ZNF131: variants seen among roughly 807,000 people sequenced by gnomAD.
The protein encoded by ZNF131 is zinc finger protein 131.
In ZNF131, 7 loss-of-function variants were observed where a neutral mutation model predicts 60.0. That is an observed-to-expected ratio of 0.12 (90% CI 0.07 to 0.22). The LOEUF is 0.22. Among genes scored for constraint, ZNF131 ranks in the 10% least tolerant of loss-of-function variants. The probability of loss-of-function intolerance (pLI) is 1.00; values close to 1 mark genes in which losing one functional copy is unlikely to be tolerated. For missense variants in ZNF131, 493 were observed against 740.9 expected (o/e 0.67, Z 3.88); for synonymous variants, 257 against 253.2 (o/e 1.01, Z -0.14).
In ZNF131 at chr5:43,175,561, A is replaced by C; in HGVS notation, c.*428A>C. 1.5e-6 allele frequency: 1 copy of C among 662,388 alleles called. No individual in the cohort carries two copies. Among genetic ancestry groups the C allele is most frequent in the Non-Finnish European group, 2.7e-6 (1 of 370,632 alleles). 41.0% of individuals were successfully genotyped at this position (662,388 alleles called of 1,614,324 possible). A position where few individuals can be genotyped will look rare whatever the true frequency, so the allele number is the denominator to read the frequency against. ...ATGTTAGAAAATTGAATAATATAGG[A>C]AACACAAGGCTGCATGATGAAAAGT... is the stretch of plus-strand genomic sequence containing the variant. On this transcript the variant is annotated 3_prime_UTR_variant, in exon 7 of 7. Coordinates refer to ENST00000682664, the MANE Select transcript of ZNF131 (RefSeq NM_001330707.2).
intron 4 of ZNF131, among the ~76,000 whole-genome samples, chr5:43,139,763 C>G (rs1746565194): frequency 6.6e-6 from 1 of 151,972 alleles, no homozygotes. Context: ...AAATGCATAC[C>G]ATAAGTCTAT....
At chr5:43,144,940 T>TGAG (rs1747387145) in intron 4 of ZNF131, among the ~76,000 whole-genome samples, 1 of 151,912 alleles carries the variant, frequency 6.6e-6, no homozygotes, top group South Asian at 2.1e-4. Context: ...TTTTCCTTAC[T>TGAG]GAGCCAAGCA....
At chr5:43,141,192 A>G (rs187387068) in intron 4 of ZNF131, among the ~76,000 whole-genome samples, 12 of 152,304 alleles carry the variant, frequency 7.9e-5, no homozygotes, top group Admixed American at 7.9e-4. Flanking sequence ...TAGCAGGTGT[A>G]CAGGAAACAT....
intron 4 of ZNF131, among the ~76,000 whole-genome samples, chr5:43,142,448 C>A (rs1746972825): frequency 6.8e-6 from 1 of 148,022 alleles, no homozygotes; most frequent in Non-Finnish European, 1.5e-5. Flanking sequence ...TGATTACAGG[C>A]TTCCGCCACC....
intron 4 of ZNF131, among the ~76,000 whole-genome samples, chr5:43,151,999 CTATT>C (rs35815843): frequency 0.99 from 149,405 of 151,030 alleles, 73,920 homozygotes; most frequent in East Asian, 1. Flanking sequence ...GACTTCTTTC[CTATT>C]TATTTATTTA....
intron 6 of ZNF131, 144 bp from the exon 7 acceptor site, chr5:43,174,303 T>G: frequency 1.4e-6 from 1 of 734,000 alleles, no homozygotes; most frequent in East Asian, 3.0e-5. Context: ...ATGAAATAGC[T>G]TGGACGAGAT....
chr5:43,139,380 C>A (rs551478024), intron 4 of ZNF131, 71 bp downstream of exon 4: 3 of 1,366,130 alleles, frequency 2.2e-6, no homozygotes, highest in African/African-American at 1.5e-5. Context: ...GAAGAACTTA[C>A]AGTATGTGTC....
At chr5:43,162,969 C>CTTTTCTTTTTTTTT (rs1749913782) in intron 5 of ZNF131, among the ~76,000 whole-genome samples, 1 of 64,908 alleles carries the variant, frequency 1.5e-5, no homozygotes, top group Non-Finnish European at 2.9e-5. Flanking sequence ...TTTTATTTGC[C>CTTTTCTTTTTTTTT]TTTTTTTTTT....
chr5:43,145,866 G>C (rs183853323), intron 4 of ZNF131, among the ~76,000 whole-genome samples: 21 of 152,276 alleles, frequency 1.4e-4, no homozygotes, highest in African/African-American at 4.8e-4. Flanking sequence ...TTGTGTTACC[G>C]ATACCAGACA....
Position 43,122,116 on chromosome 5 carries a change from C to T in ZNF131, c.63C>T (p.Leu21=), listed in dbSNP as rs772117297. 10 of 1,613,978 alleles carry T rather than the reference C, an allele frequency of 6.2e-6. No homozygotes were observed. The African/African-American group carries it at 9.3e-5, about 15-fold the overall frequency. The part of the protein sequence containing the change: ...QEFPEHHKMI[L]DRLNEQREQD... ...TCCCTGAACATCATAAAATGATCCTCGACCGATTGAATGAACAGCGAGAGC... is the reference window on the plus strand; with the variant it reads ...TCCCTGAACATCATAAAATGATCCTTGACCGATTGAATGAACAGCGAGAGC... The change falls in exon 2 of 7, where the codon CTC becomes CTT. Residue 21 remains leucine (L), a synonymous_variant. Coordinates refer to ENST00000682664, the MANE Select transcript of ZNF131 (RefSeq NM_001330707.2).
chr5:43,144,968 CTAT>C (rs1424263252), intron 4 of ZNF131, among the ~76,000 whole-genome samples: 5 of 151,760 alleles, frequency 3.3e-5, no homozygotes, highest in African/African-American at 9.7e-5. Context: ...TTAGGCACTT[CTAT>C]TATTCTGTAT....
chr5:43,131,808 CAA>C (rs36085217), intron 3 of ZNF131, among the ~76,000 whole-genome samples: 41 of 131,360 alleles, frequency 3.1e-4, no homozygotes, highest in East Asian at 2.4e-3. Context: ...TGCGTATGTA[CAA>C]AAAAAAAAAA....
Position 43,175,686 on chromosome 5 carries a change from G to T in ZNF131, c.*553G>T. The T allele has an allele frequency of 3.1e-5, 9 of 290,068 alleles. No individual in the cohort carries two copies. The highest frequency in any genetic ancestry group is 6.4e-5 in the East Asian group (1 of 15,630). The allele number at this position is 290,068 out of a possible 1,614,324, so 18.0% of individuals were successfully genotyped here. A position where few individuals can be genotyped will look rare whatever the true frequency, so the allele number is the denominator to read the frequency against. ...AGTCACAGATGCCATCTTTGCAACA[G>T]AAAGAGTGGTGGTGGCAAAATTTCT... On this transcript the variant is annotated 3_prime_UTR_variant, in exon 7 of 7. Transcript: ENST00000682664.
At chr5:43,125,705 C>T (rs111254563) in intron 3 of ZNF131, among the ~76,000 whole-genome samples, 8,079 of 151,710 alleles carry the variant, frequency 0.053, 319 homozygotes, top group South Asian at 0.13. Context: ...CGCTTGAACC[C>T]GGGAGGCGGA....
At chr5:43,168,553 T>C (rs181787819) in intron 5 of ZNF131, among the ~76,000 whole-genome samples, 128 of 152,190 alleles carry the variant, frequency 8.4e-4, no homozygotes, top group African/African-American at 3.1e-3. Context: ...GGGAGAGTAA[T>C]GAGAGATGAG....
chr5:43,155,264 A>G (rs1047499884), intron 4 of ZNF131, among the ~76,000 whole-genome samples: 2 of 152,174 alleles, frequency 1.3e-5, no homozygotes, highest in African/African-American at 4.8e-5. Context: ...TCACCTTGTT[A>G]GTCATGAAGT....
intron 4 of ZNF131, among the ~76,000 whole-genome samples, chr5:43,142,493 AG>A (rs1170488410): frequency 1.3e-5 from 2 of 151,396 alleles, no homozygotes; most frequent in African/African-American, 4.9e-5. Context: ...TTTAATAGAG[AG>A]GGTGTTTCAC....
intron 4 of ZNF131, among the ~76,000 whole-genome samples, chr5:43,150,491 C>T (rs905019722): frequency 3.9e-5 from 6 of 152,156 alleles, no homozygotes; most frequent in East Asian, 3.9e-4. Flanking sequence ...TTAATCTGAC[C>T]GTAGGGACCA....
intron 3 of ZNF131, among the ~76,000 whole-genome samples, chr5:43,138,478 C>T (rs939980397): frequency 6.6e-6 from 1 of 152,044 alleles, no homozygotes; most frequent in Admixed American, 6.6e-5. Context: ...CATGGGGAAA[C>T]CCCATCTCTA....
Sources: allele counts gnomAD v4.1 joint callset (sites outside exome capture counted in the v4.1 genomes callset), GRCh38; gene constraint gnomAD v4.1.1; transcripts MANE v1.5; gene names NCBI Gene and HGNC (gene_info 2026-07-23, HGNC 2026-07-21).